The following CYP4F12 variants were observed in gnomAD, a reference collection of about 807,000 sequenced individuals.
The protein encoded by CYP4F12 is cytochrome P450 4F12.
Under a neutral mutation model 56.5 loss-of-function variants are expected in CYP4F12, and 60 were observed. That is an observed-to-expected ratio of 1.06 (90% CI 0.86 to 1.32). CYP4F12 has a LOEUF of 1.32. Ranked by LOEUF, CYP4F12 falls within the 40% of genes most tolerant of loss-of-function variation. The probability of loss-of-function intolerance (pLI) is 0.00; values close to 1 mark genes in which losing one functional copy is unlikely to be tolerated. For synonymous variants in CYP4F12, 263 were observed against 264.9 expected, an observed-to-expected ratio of 0.99 and a Z score of 0.07; for missense variants, 711 against 683.5, an observed-to-expected ratio of 1.04 and a Z score of -0.45.
At chr19:15,694,346 G>C (rs2008022322) in intron 9 of CYP4F12, among the ~76,000 whole-genome samples, 1 of 152,072 alleles carries the variant, frequency 6.6e-6, no homozygotes. Flanking sequence ...CCCTTTCTTT[G>C]CACCCTCTTT....
intron 9 of CYP4F12, among the ~76,000 whole-genome samples, chr19:15,691,239 A>G (rs529368219): frequency 2.6e-5 from 4 of 152,304 alleles, no homozygotes; most frequent in South Asian, 2.1e-4. Flanking sequence ...TTATCTAAAC[A>G]TCTCCCCATC....
intron 9 of CYP4F12, among the ~76,000 whole-genome samples, chr19:15,692,288 A>T (rs1429630985): frequency 3.3e-5 from 5 of 152,296 alleles, no homozygotes; most frequent in African/African-American, 1.2e-4. Context: ...CAACCCCTGC[A>T]AACATTTATT....
In CYP4F12 at chr19:15,683,731, T is replaced by G; in HGVS notation, c.886T>G (p.Leu296Val). Reference sequence around the variant, plus strand: ...CAAAGACAAAGCCAAGTCCAAGACTTTGGATTTCATTGATGTGCTTCTGCT... The same window carrying G: ...CAAAGACAAAGCCAAGTCCAAGACTGTGGATTTCATTGATGTGCTTCTGCT... ...FFKDKAKSKT[L>V]DFIDVLLLSK... Residue 296 changes from leucine to valine, a missense_variant, in exon 7 of 13, where the codon TTG (leucine) becomes GTG (valine). Leu to Val is a conservative substitution (Grantham distance 32). Coordinates refer to ENST00000550308, the MANE Select transcript of CYP4F12 (RefSeq NM_023944.4). The G allele has an allele frequency of 1.9e-6, 3 of 1,580,280 alleles. No homozygotes were observed. The highest frequency in any genetic ancestry group is 2.6e-6 in the Non-Finnish European group (3 of 1,164,040).
At position 15,673,667 on chromosome 19, in the gene CYP4F12, C is replaced by T. The variant is rs368575150; in HGVS notation, c.138C>T (p.Arg46=). The change falls in exon 2 of 13, where the codon CGC becomes CGT. Residue 46 remains arginine, a synonymous_variant. Transcript: ENST00000550308. ...AWTYAFYNNC[R]RLQCFPQPPK... The stretch of plus-strand genomic sequence containing the variant: ...CCTATGCCTTCTATAACAACTGCCG[C>T]CGGCTCCAGTGTTTCCCACAGCCCC... The T allele has an allele frequency of 5.6e-5, 91 of 1,614,032 alleles. No individual in the cohort carries two copies. Among genetic ancestry groups the T allele is most frequent in the Non-Finnish European group, 7.7e-5 (91 of 1,180,024 alleles).
chr19:15,673,394 T>A, intron 1 of CYP4F12, 135 bp from the exon 2 acceptor site: 3 of 970,184 alleles, frequency 3.1e-6, no homozygotes, highest in South Asian at 3.2e-5. Context: ...GGACTTCAGA[T>A]CTCAGCCCTC....
intron 12 of CYP4F12, 89 bp downstream of exon 12, chr19:15,696,601 C>T: frequency 3.6e-6 from 5 of 1,406,850 alleles, no homozygotes; most frequent in Non-Finnish European, 4.9e-6. Flanking sequence ...CCAGTTCCAG[C>T]TCTCCTTCCC....
At chr19:15,679,915 T>C (rs1264833115) in intron 3 of CYP4F12, among the ~76,000 whole-genome samples, 1 of 152,218 alleles carries the variant, frequency 6.6e-6, no homozygotes, top group African/African-American at 2.4e-5. Flanking sequence ...GAGAGTGCTA[T>C]GGCAGACAGG....
chr19:15,680,676 C>T (rs1476474748), intron 5 of CYP4F12, 157 bp downstream of exon 5: 3 of 980,816 alleles, frequency 3.1e-6, no homozygotes, highest in East Asian at 5.2e-5. Flanking sequence ...GATGATAATC[C>T]CTACTTGAAA....
chr19:15,678,601 C>A (rs35248564), intron 3 of CYP4F12, 196 bp downstream of exon 3: 8 of 669,260 alleles, frequency 1.2e-5, no homozygotes, highest in Non-Finnish European at 1.5e-5. Flanking sequence ...AATTCAGGGC[C>A]CTTTCTGGAA....
At chr19:15,677,604 G>A (rs1490435994) in intron 2 of CYP4F12, among the ~76,000 whole-genome samples, 153 of 1,572 alleles carry the variant, frequency 0.097, 42 homozygotes, top group East Asian at 0.18. Flanking sequence ...TCACTCACTC[G>A]TTCCTCTCCT....
chr19:15,682,700 T>C (rs2007373231), intron 6 of CYP4F12, among the ~76,000 whole-genome samples, 190 bp downstream of exon 6: 1 of 152,024 alleles, frequency 6.6e-6, no homozygotes, highest in African/African-American at 2.4e-5. Context: ...AGCAAGAAGG[T>C]TAGGATGAGC....
rs955412841 is a variant in CYP4F12 at position 15,674,799 on chromosome 19, G to T, written c.198+1072G>T. Among the ~76,000 whole-genome samples, 6 of 139,336 alleles carry T rather than the reference G, an allele frequency of 4.3e-5. 1 individual carries two copies. Among genetic ancestry groups the T allele is most frequent in the African/African-American group, 1.6e-4 (6 of 38,428 alleles). The allele number at this position is 139,336 out of a possible 152,430, so 91.4% of individuals were successfully genotyped here. A position where few individuals can be genotyped will look rare whatever the true frequency, so the allele number is the denominator to read the frequency against. The stretch of plus-strand genomic sequence containing the variant: ...CCTCCCTGTCCTCCCACCTCAGCCT[G>T]CTTGGATCCTTTTCCTGCCTGTCTT... On this transcript the variant is annotated intron_variant, in intron 2 of 12. Coordinates refer to ENST00000550308, the MANE Select transcript of CYP4F12 (RefSeq NM_023944.4).
chr19:15,678,238 G>T, intron 2 of CYP4F12, 23 bp from the exon 3 acceptor site: 1 of 1,613,988 alleles, frequency 6.2e-7, no homozygotes, highest in South Asian at 1.1e-5. Flanking sequence ...CACAGGAAGT[G>T]ACAGCCCTTG....
chr19:15,674,892 G>T (rs2006843535), intron 2 of CYP4F12, among the ~76,000 whole-genome samples: 2 of 152,166 alleles, frequency 1.3e-5, no homozygotes, highest in Admixed American at 1.3e-4. Flanking sequence ...GGCTCTCCTG[G>T]CATTCCCACC....
In CYP4F12 at chr19:15,683,576, A is replaced by G. The variant is rs1401657142; in HGVS notation, c.731A>G (p.Asp244Gly). The part of the protein sequence containing the change: ...KRSQHILQHM[D>G]FLYYLSHDGR... ...AGCCAGCATATCCTCCAGCACATGG[A>G]CTTTCTGTATTACCTCTCCCATGAC... Residue 244 changes from aspartate to glycine, a missense_variant, in exon 7 of 13, where the codon GAC becomes GGC. By Grantham distance (94) the Asp-to-Gly change is moderately conservative. Coordinates refer to ENST00000550308, the MANE Select transcript of CYP4F12 (RefSeq NM_023944.4). 3 of 1,613,990 alleles carry G rather than the reference A, an allele frequency of 1.9e-6. No homozygotes were observed. The Admixed American group carries it at 5.0e-5, about 27-fold the overall frequency.
In CYP4F12 at chr19:15,673,170, T is replaced by C. The variant is rs2144697694; in HGVS notation, c.-2+35T>C. The C allele has an allele frequency of 1.5e-5, 7 of 475,294 alleles. 1 individual carries two copies. Among genetic ancestry groups the C allele is most frequent in the South Asian group, 9.3e-5 (6 of 64,252 alleles). The allele number at this position is 475,294 out of a possible 1,614,324, so 29.4% of individuals were successfully genotyped here. A position where few individuals can be genotyped will look rare whatever the true frequency, so the allele number is the denominator to read the frequency against. ...TGGGGGTGGCAGGGCTGGAAGGTCC[T>C]GGCCTGGGATGAAGAGGGGACTGCC... On this transcript the variant is annotated intron_variant, in intron 1 of 12. Transcript: ENST00000550308.
intron 7 of CYP4F12, chr19:15,683,983 A>G: frequency 2.2e-6 from 1 of 453,022 alleles, no homozygotes; most frequent in Non-Finnish European, 3.8e-6. Flanking sequence ...TATTCAACTT[A>G]TAAGTTAGTG....
At chr19:15,694,051 T>A (rs1234694351) in intron 9 of CYP4F12, among the ~76,000 whole-genome samples, 2 of 152,008 alleles carry the variant, frequency 1.3e-5, no homozygotes, top group African/African-American at 4.8e-5. Context: ...GATCTAGATC[T>A]CTGTTTTGGT....
chr19:15,688,941 T>C (rs1222907831), intron 9 of CYP4F12, among the ~76,000 whole-genome samples: 1 of 152,142 alleles, frequency 6.6e-6, no homozygotes, highest in African/African-American at 2.4e-5. Context: ...ATCTCTCACC[T>C]TGTACAAAAA....
Sources: gnomAD v4.1 joint callset for allele counts (sites outside exome capture counted in the v4.1 genomes callset) on GRCh38, gnomAD v4.1.1 for gene constraint, MANE v1.5 for transcripts, NCBI Gene and HGNC (gene_info 2026-07-23, HGNC 2026-07-21) for gene names.